The following GALNT17 variants were observed in gnomAD, a reference collection of about 807,000 sequenced individuals.
GALNT17 encodes the protein polypeptide N-acetylgalactosaminyltransferase 17.
A neutral mutation model predicts 63.7 loss-of-function variants in GALNT17; 29 were observed. The ratio of observed to expected loss-of-function variants is 0.46; its 90% CI spans 0.34 to 0.62. GALNT17 has a LOEUF of 0.62. Ranked by LOEUF, GALNT17 falls within the 20% of genes least tolerant of loss-of-function variation. The pLI, the probability that GALNT17 is intolerant of heterozygous loss-of-function variation, is 0.01. For synonymous variants in GALNT17, 305 were observed against 318.3 expected (o/e 0.96, Z 0.45); for missense variants, 603 against 799.6 (o/e 0.75, Z 2.97).
chr7:71,245,848 G>GTTTTTTTTTTTTGTTTTTTTTT (rs1790083487), intron 1 of GALNT17, among the ~76,000 whole-genome samples: 2 of 122,892 alleles, frequency 1.6e-5, no homozygotes, highest in Non-Finnish European at 3.5e-5. Flanking sequence ...AAGAGAGCAG[G>GTTTTTTTTTTTTGTTTTTTTTT]TTTTTTTTTT....
intron 2 of GALNT17, among the ~76,000 whole-genome samples, chr7:71,348,506 C>T (rs1192204725): frequency 6.6e-6 from 1 of 152,128 alleles, no homozygotes; most frequent in African/African-American, 2.4e-5. Context: ...GAATTTGAAA[C>T]CAGTGGATAG....
chr7:71,557,706 G>A (rs566297205), intron 5 of GALNT17, among the ~76,000 whole-genome samples: 101 of 152,198 alleles, frequency 6.6e-4, no homozygotes, highest in African/African-American at 1.8e-3. Context: ...CAGGAGAATC[G>A]CTTGAACCCG....
chr7:71,626,128 C>T (rs553726432), intron 6 of GALNT17, among the ~76,000 whole-genome samples: 9 of 151,780 alleles, frequency 5.9e-5, no homozygotes, highest in Non-Finnish European at 1.3e-4. Context: ...CCTGTAGTCC[C>T]AGCTATTCAG....
intron 4 of GALNT17, among the ~76,000 whole-genome samples, chr7:71,417,481 C>G (rs1044978115): frequency 6.6e-6 from 1 of 152,164 alleles, no homozygotes; most frequent in African/African-American, 2.4e-5. Context: ...CTGTTTATCT[C>G]TAGTAATAAT....
intron 1 of GALNT17, among the ~76,000 whole-genome samples, chr7:71,196,872 T>G (rs185945680): frequency 6.6e-6 from 1 of 152,218 alleles, no homozygotes; most frequent in East Asian, 1.9e-4. Flanking sequence ...CAGGCTGGTC[T>G]CAAACTCCTG....
At chr7:71,476,103 C>T (rs1156272678) in intron 5 of GALNT17, among the ~76,000 whole-genome samples, 1 of 152,168 alleles carries the variant, frequency 6.6e-6, no homozygotes, top group African/African-American at 2.4e-5. Context: ...CCATGATTCT[C>T]TTGACTGACA....
intron 3 of GALNT17, among the ~76,000 whole-genome samples, chr7:71,402,308 G>C (rs1466204134): frequency 6.6e-6 from 1 of 152,180 alleles, no homozygotes; most frequent in African/African-American, 2.4e-5. Context: ...TCATTTATCT[G>C]CCTATCTCTA....
At chr7:71,321,531 A>G (rs889641213) in intron 1 of GALNT17, among the ~76,000 whole-genome samples, 1 of 152,222 alleles carries the variant, frequency 6.6e-6, no homozygotes, top group African/African-American at 2.4e-5. Context: ...GTGGCCTGAA[A>G]TACAGAGACC....
intron 2 of GALNT17, among the ~76,000 whole-genome samples, chr7:71,377,888 A>G (rs1488517505): frequency 2.0e-5 from 3 of 152,152 alleles, no homozygotes; most frequent in African/African-American, 4.8e-5. Flanking sequence ...GCTTTCTGCT[A>G]TGATTGTAAG....
chr7:71,449,933 C>A (rs907810112), intron 5 of GALNT17, among the ~76,000 whole-genome samples: 1 of 150,604 alleles, frequency 6.6e-6, no homozygotes, highest in Admixed American at 6.6e-5. Flanking sequence ...CCCAGCTACT[C>A]GGGAGGCTGA....
chr7:71,428,259 C>G (rs1329251158), intron 5 of GALNT17, among the ~76,000 whole-genome samples: 1 of 152,174 alleles, frequency 6.6e-6, no homozygotes, highest in African/African-American at 2.4e-5. Context: ...ATTCCTCCCT[C>G]CCACCAAACA....
At chr7:71,511,070 T>A (rs1788347510) in intron 5 of GALNT17, among the ~76,000 whole-genome samples, 1 of 152,056 alleles carries the variant, frequency 6.6e-6, no homozygotes, top group Non-Finnish European at 1.5e-5. Flanking sequence ...TAGTCCCAGC[T>A]ACTCAGGAGG....
chr7:71,679,617 G>T (rs1015535267), intron 9 of GALNT17, among the ~76,000 whole-genome samples: 1 of 152,064 alleles, frequency 6.6e-6, no homozygotes, highest in African/African-American at 2.4e-5. Context: ...CCTGGGAGGT[G>T]GGAGGTAGCC....
intron 1 of GALNT17, among the ~76,000 whole-genome samples, chr7:71,172,471 A>AC (rs930100174): frequency 6.6e-6 from 1 of 151,796 alleles, no homozygotes; most frequent in African/African-American, 2.4e-5. Context: ...AAAAAAGAAA[A>AC]AAAAAAAAGA....
At chr7:71,153,252 C>CTAT (rs1788166077) in intron 1 of GALNT17, among the ~76,000 whole-genome samples, 1 of 152,168 alleles carries the variant, frequency 6.6e-6, no homozygotes, top group South Asian at 2.1e-4. Context: ...GTAGCTACTC[C>CTAT]TATAAATATG....
At chr7:71,397,643 G>A (rs1030836887) in intron 3 of GALNT17, among the ~76,000 whole-genome samples, 4 of 152,208 alleles carry the variant, frequency 2.6e-5, no homozygotes, top group Admixed American at 2.6e-4. Context: ...CTGTTATGGA[G>A]GTTGGCCTCT....
At chr7:71,381,726 C>T (rs965966973) in intron 2 of GALNT17, among the ~76,000 whole-genome samples, 5 of 152,090 alleles carry the variant, frequency 3.3e-5, no homozygotes, top group Non-Finnish European at 5.9e-5. Context: ...TTGCAGTGAG[C>T]TGAGATCATG....
intron 6 of GALNT17, among the ~76,000 whole-genome samples, chr7:71,582,250 C>T (rs1292685209): frequency 2.0e-5 from 3 of 151,972 alleles, no homozygotes; most frequent in African/African-American, 4.8e-5. Context: ...GTGGAACCAA[C>T]CCAAATGCCC....
chr7:71,575,442 T>C (rs922846474), intron 6 of GALNT17, among the ~76,000 whole-genome samples: 2 of 151,596 alleles, frequency 1.3e-5, no homozygotes. Flanking sequence ...GAGGCTGGAA[T>C]GCAGTGACGC....
Sources: gnomAD v4.1 joint callset for allele counts (sites outside exome capture counted in the v4.1 genomes callset) on GRCh38, gnomAD v4.1.1 for gene constraint, MANE v1.5 for transcripts, NCBI Gene and HGNC (gene_info 2026-07-23, HGNC 2026-07-21) for gene names.